Variants in KCNJ6 observed in about 807,000 individuals in gnomAD.
KCNJ6 encodes the protein G protein-activated inward rectifier potassium channel 2.
In KCNJ6, 9 loss-of-function variants were observed where a neutral mutation model predicts 34.2. That is an observed-to-expected ratio of 0.26 (90% CI 0.16 to 0.46). The LOEUF (loss-of-function observed/expected upper bound fraction) is 0.46. Ranked by LOEUF, KCNJ6 falls within the 20% of genes least tolerant of loss-of-function variation. The pLI is 1.00. For missense variants in KCNJ6, 236 were observed against 531.3 expected (o/e 0.44, Z 5.46); for synonymous variants, 196 against 207.1 (o/e 0.95, Z 0.46).
At chr21:37,764,383 C>CTT (rs376267192) in intron 2 of KCNJ6, among the ~76,000 whole-genome samples, 64,588 of 144,832 alleles carry the variant, frequency 0.45, 14,573 homozygotes, top group Non-Finnish European at 0.5. Flanking sequence ...AAGATATTTA[C>CTT]TTTTTTTTTT....
chr21:37,747,146 G>C (rs1057006242), intron 2 of KCNJ6, among the ~76,000 whole-genome samples: 3 of 152,190 alleles, frequency 2.0e-5, no homozygotes, highest in Non-Finnish European at 2.9e-5. Flanking sequence ...CCCTGCCAGG[G>C]TTCAGCAGAC....
At chr21:37,899,803 C>A (rs571797441) in intron 1 of KCNJ6, among the ~76,000 whole-genome samples, 1 of 152,206 alleles carries the variant, frequency 6.6e-6, no homozygotes, top group African/African-American at 2.4e-5. Flanking sequence ...CCTTCCTGGG[C>A]GCTTGTGAGA....
At chr21:37,770,179 T>C (rs184895195) in intron 2 of KCNJ6, among the ~76,000 whole-genome samples, 10 of 152,272 alleles carry the variant, frequency 6.6e-5, no homozygotes, top group Admixed American at 5.9e-4. Flanking sequence ...GAGGAAGTTT[T>C]CTCTGTTTTG....
At chr21:37,897,905 C>G (rs917331981) in intron 1 of KCNJ6, among the ~76,000 whole-genome samples, 3 of 152,208 alleles carry the variant, frequency 2.0e-5, no homozygotes, top group African/African-American at 7.2e-5. Flanking sequence ...CCCCTATTTG[C>G]TACGGGAGTA....
intron 1 of KCNJ6, among the ~76,000 whole-genome samples, chr21:37,876,773 T>C (rs1415858550): frequency 6.6e-6 from 1 of 152,126 alleles, no homozygotes; most frequent in Non-Finnish European, 1.5e-5. Flanking sequence ...ATTGGACAAG[T>C]TGGCCAAGTC....
intron 2 of KCNJ6, among the ~76,000 whole-genome samples, chr21:37,815,550 G>A (rs909981980): frequency 7.2e-5 from 11 of 152,192 alleles, no homozygotes; most frequent in African/African-American, 2.4e-4. Flanking sequence ...CAGGTAGCAG[G>A]GCTGAGCCCC....
intron 3 of KCNJ6, among the ~76,000 whole-genome samples, chr21:37,638,347 A>G (rs566091833): frequency 6.6e-6 from 1 of 152,138 alleles, no homozygotes; most frequent in Non-Finnish European, 1.5e-5. Context: ...GGGTTTCACC[A>G]TGTTGGCCAG....
intron 1 of KCNJ6, among the ~76,000 whole-genome samples, chr21:37,915,535 C>T (rs918091215): frequency 2.0e-5 from 3 of 152,210 alleles, no homozygotes; most frequent in Non-Finnish European, 4.4e-5. Context: ...ACAAGCCGCA[C>T]CTGTCAGTTA....
At position 37,716,841 on chromosome 21, in the gene KCNJ6, C is replaced by T. The variant is rs369144290; in HGVS notation, c.26-1710G>A. Among the ~76,000 whole-genome samples the T allele has an allele frequency of 2.0e-5, 3 of 152,122 alleles. No individual in the cohort carries two copies. In the East Asian group the frequency reaches 5.8e-4, roughly 29 times the overall value. ...CCACTTATGAAATTATTTATTTGGCCAATAATACTAAAGTCTTCTACAAGT... is the reference window on the plus strand; with the variant it reads ...CCACTTATGAAATTATTTATTTGGCTAATAATACTAAAGTCTTCTACAAGT... On this transcript the variant is annotated intron_variant, in intron 2 of 3. Transcript: ENST00000609713.
At position 37,700,272 on chromosome 21, in the gene KCNJ6, C is replaced by T. The variant is rs139395620; in HGVS notation, c.946+13939G>A. ...TGGCATTTGCAGGGAGATTTGTGGG[C>T]AGGAGTTATTGGAAAGGTAATGGAA... On this transcript the variant is annotated intron_variant, in intron 3 of 3. Transcript: ENST00000609713. Among the ~76,000 whole-genome samples the T allele has an allele frequency of 2.1e-3, 327 of 152,166 alleles. 2 individuals are homozygous for T. The highest frequency in any genetic ancestry group is 7.4e-3 in the African/African-American group (307 of 41,510).
intron 3 of KCNJ6, among the ~76,000 whole-genome samples, chr21:37,628,889 A>ATT (rs1287896247): frequency 5.9e-5 from 9 of 152,232 alleles, no homozygotes; most frequent in African/African-American, 2.2e-4. Flanking sequence ...AGAAGACATT[A>ATT]TTAAAAGCAC....
At chr21:37,856,771 C>A (rs1225630435) in intron 1 of KCNJ6, among the ~76,000 whole-genome samples, 2 of 152,062 alleles carry the variant, frequency 1.3e-5, no homozygotes, top group Non-Finnish European at 2.9e-5. Context: ...GATAAAAAAT[C>A]AGTATGGTGA....
At chr21:37,835,312 G>T (rs2123572346) in intron 2 of KCNJ6, among the ~76,000 whole-genome samples, 1 of 152,278 alleles carries the variant, frequency 6.6e-6, no homozygotes, top group East Asian at 1.9e-4. Flanking sequence ...GGATCCTGCA[G>T]CCAGGAGAAG....
At chr21:37,658,720 G>A (rs80269622) in intron 3 of KCNJ6, among the ~76,000 whole-genome samples, 6,482 of 152,308 alleles carry the variant, frequency 0.043, 371 homozygotes, top group African/African-American at 0.13. Flanking sequence ...GCTCACTGGG[G>A]TGGAAGGGAC....
At chr21:37,736,191 G>GCC (rs1556027727) in intron 2 of KCNJ6, among the ~76,000 whole-genome samples, 1 of 104,314 alleles carries the variant, frequency 9.6e-6, no homozygotes, top group Non-Finnish European at 2.5e-5. Context: ...CGAGCCCTGT[G>GCC]CTAGGCCCTG....
Position 37,625,434 on chromosome 21 carries a change from C to T in KCNJ6, c.997G>A (p.Gly333Ser). Residue 333 changes from glycine (G) to serine (S), a missense_variant, in exon 4 of 4, where the codon GGT becomes AGT. Physicochemically the swap from Gly to Ser is moderately conservative, Grantham distance 56 (BLOSUM62 0). Around this residue, in one of 5 missense-constraint regions of KCNJ6, gnomAD observed 60 missense variants for 207.3 expected, o/e 0.29. Coordinates refer to ENST00000609713, the MANE Select transcript of KCNJ6 (RefSeq NM_002240.5). ...GTCAGGACAGGTGTGAACCGGTAACCCCACAGGATCTCACTGGTGATGTAG... is the reference window on the plus strand; with the variant it reads ...GTCAGGACAGGTGTGAACCGGTAACTCCACAGGATCTCACTGGTGATGTAG... ...SSYITSEILWGYRFTPVLTLE... is the reference protein window; with the variant it reads ...SSYITSEILWSYRFTPVLTLE... 1 of 1,614,136 alleles carries T rather than the reference C, an allele frequency of 6.2e-7. No individual in the cohort carries two copies.
intron 1 of KCNJ6, among the ~76,000 whole-genome samples, chr21:37,879,400 T>G (rs1253310621): frequency 6.6e-6 from 1 of 152,040 alleles, no homozygotes; most frequent in Non-Finnish European, 1.5e-5. Context: ...GCACTAAACT[T>G]GTGATTATGA....
intron 1 of KCNJ6, among the ~76,000 whole-genome samples, chr21:37,883,063 G>A (rs115963922): frequency 2.5e-3 from 378 of 152,248 alleles, no homozygotes; most frequent in African/African-American, 8.5e-3. Flanking sequence ...CTTTTACGCC[G>A]GTGCAGGCCT....
intron 3 of KCNJ6, among the ~76,000 whole-genome samples, chr21:37,657,932 G>A (rs749893977): frequency 4.6e-5 from 7 of 152,240 alleles, no homozygotes; most frequent in African/African-American, 1.2e-4. Context: ...GGTGAGTCGG[G>A]ATTTGAACTC....
Sources: allele counts gnomAD v4.1 joint callset (sites outside exome capture counted in the v4.1 genomes callset), GRCh38; gene constraint gnomAD v4.1.1; regional missense constraint gnomAD v4.1.1; transcripts MANE v1.5; gene names NCBI Gene and HGNC (gene_info 2026-07-23, HGNC 2026-07-21).